Variants in TRIM33 observed in about 807,000 individuals in gnomAD.
TRIM33 encodes the protein E3 ubiquitin-protein ligase TRIM33.
A neutral mutation model predicts 125.4 loss-of-function variants in TRIM33; 20 were observed. The observed-to-expected ratio is 0.16, with a 90% CI of 0.11 to 0.23. The LOEUF is 0.23. TRIM33 is among the 10% of genes least tolerant of loss of function. The pLI, the probability that TRIM33 is intolerant of heterozygous loss-of-function variation, is 1.00. For synonymous variants in TRIM33, 564 were observed against 513.9 expected, an observed-to-expected ratio of 1.10 and a Z score of -1.32; for missense variants, 920 against 1,411.4, an observed-to-expected ratio of 0.65 and a Z score of 5.58.
At chr1:114,434,421 T>C (rs969020070) in intron 4 of TRIM33, among the ~76,000 whole-genome samples, 11 of 152,252 alleles carry the variant, frequency 7.2e-5, no homozygotes, top group African/African-American at 1.9e-4. Context: ...CAGTTCTGGA[T>C]GCCATGTACT....
chr1:114,414,656 T>C (rs1437211393), intron 11 of TRIM33, among the ~76,000 whole-genome samples: 1 of 152,186 alleles, frequency 6.6e-6, no homozygotes, highest in East Asian at 1.9e-4. Context: ...AGTAATGCTA[T>C]ACAATTTATT....
chr1:114,398,465 C>A (rs1006119975), intron 18 of TRIM33, among the ~76,000 whole-genome samples: 1 of 152,074 alleles, frequency 6.6e-6, no homozygotes, highest in African/African-American at 2.4e-5. Flanking sequence ...AATAATTTAA[C>A]TGCACTGAAA....
chr1:114,405,818 T>C (rs1486370560), intron 14 of TRIM33, 59 bp from the exon 15 acceptor site: 20 of 1,415,016 alleles, frequency 1.4e-5, no homozygotes, highest in Non-Finnish European at 1.5e-5. Flanking sequence ...GTATGCCATA[T>C]GTGTATTTAA....
At chr1:114,422,398 G>C (rs1235675172) in intron 10 of TRIM33, among the ~76,000 whole-genome samples, 1 of 152,066 alleles carries the variant, frequency 6.6e-6, no homozygotes, top group African/African-American at 2.4e-5. Flanking sequence ...AGAAATACTT[G>C]AAGGCCTTCC....
At chr1:114,417,329 T>C (rs1277785401) in intron 11 of TRIM33, among the ~76,000 whole-genome samples, 1 of 152,186 alleles carries the variant, frequency 6.6e-6, no homozygotes, top group African/African-American at 2.4e-5. Flanking sequence ...ATTTTTAGAG[T>C]GGATCTCATG....
Position 114,410,214 on chromosome 1 carries a change from C to G in TRIM33, c.2164G>C (p.Gly722Arg). The G allele has an allele frequency of 1.2e-6, 2 of 1,613,944 alleles. No individual in the cohort carries two copies. The highest frequency in any genetic ancestry group is 1.7e-6 in the Non-Finnish European group (2 of 1,179,956). Residue 722 changes from glycine to arginine, a missense_variant, in exon 12 of 20, where the codon GGT becomes CGT. Around this residue, in one of 8 missense-constraint regions of TRIM33, gnomAD observed 407 missense variants for 589.7 expected, o/e 0.69. Transcript: ENST00000358465. ...QPTSTMNPSP[G>R]PSALSPGSSG... ...GATCCCGGAGAAAGGGCAGAGGGAC[C>G]TGGAGAAGGATTCATGGTGCTTGTA...
chr1:114,468,449 G>T, intron 1 of TRIM33: 2 of 350,424 alleles, frequency 5.7e-6, no homozygotes, highest in Non-Finnish European at 1.1e-5. Context: ...AACAAGTGGC[G>T]CCAGAGCCAA....
intron 18 of TRIM33, among the ~76,000 whole-genome samples, chr1:114,398,542 C>T (rs1651677200): frequency 6.6e-6 from 1 of 152,060 alleles, no homozygotes; most frequent in Admixed American, 6.6e-5. Flanking sequence ...TACTCTGTGC[C>T]ATACTGCTAT....
At chr1:114,507,436 A>T (rs1402077676) in intron 1 of TRIM33, among the ~76,000 whole-genome samples, 1 of 152,246 alleles carries the variant, frequency 6.6e-6, no homozygotes, top group Admixed American at 6.5e-5. Flanking sequence ...GTTAGGCAGG[A>T]GGGCATTATA....
chr1:114,505,257 A>T (rs1652927063), intron 1 of TRIM33, among the ~76,000 whole-genome samples: 1 of 152,228 alleles, frequency 6.6e-6, no homozygotes, highest in South Asian at 2.1e-4. Flanking sequence ...TTGTTGGTGG[A>T]GTACCACATG....
intron 11 of TRIM33, among the ~76,000 whole-genome samples, chr1:114,414,604 T>C (rs1402627803): frequency 6.6e-6 from 1 of 152,208 alleles, no homozygotes. Context: ...GTTCTCCTGG[T>C]ATATACTCAC....
At chr1:114,480,476 T>TA (rs61241613) in intron 1 of TRIM33, among the ~76,000 whole-genome samples, 1,122 of 77,784 alleles carry the variant, frequency 0.014, 36 homozygotes, top group African/African-American at 0.054. Context: ...ATGATCAATT[T>TA]AAAAAAAAAA....
chr1:114,463,075 T>C (rs1650089198), intron 4 of TRIM33, 29 bp downstream of exon 4: 1 of 1,546,436 alleles, frequency 6.5e-7, no homozygotes, highest in African/African-American at 1.4e-5. Flanking sequence ...TTTATAGTAT[T>C]TCCTGGTAAG....
chr1:114,505,653 C>T (rs763490133), intron 1 of TRIM33, among the ~76,000 whole-genome samples: 14 of 152,178 alleles, frequency 9.2e-5, no homozygotes, highest in Admixed American at 1.3e-4. Context: ...CTGCAACCTC[C>T]GCCTCCAAGA....
chr1:114,492,207 T>C (rs1267264128), intron 1 of TRIM33, among the ~76,000 whole-genome samples: 1 of 152,204 alleles, frequency 6.6e-6, no homozygotes, highest in Non-Finnish European at 1.5e-5. Context: ...AATTTTAGCA[T>C]GTAGGTGAAT....
At chr1:114,461,730 T>A (rs1650013024) in intron 4 of TRIM33, among the ~76,000 whole-genome samples, 1 of 152,060 alleles carries the variant, frequency 6.6e-6, no homozygotes, top group Non-Finnish European at 1.5e-5. Flanking sequence ...CCTCTCACCA[T>A]CAACTTAAAA....
intron 4 of TRIM33, among the ~76,000 whole-genome samples, chr1:114,434,732 T>C (rs1012299253): frequency 1.3e-5 from 2 of 152,236 alleles, no homozygotes; most frequent in African/African-American, 2.4e-5. Flanking sequence ...TACTAACAAA[T>C]AGTCACAAAT....
chr1:114,468,651 C>T, intron 1 of TRIM33: 1 of 427,220 alleles, frequency 2.3e-6, no homozygotes, highest in South Asian at 1.8e-5. Context: ...ACCAGCTGAA[C>T]CAGAGTATGA....
Position 114,397,747 on chromosome 1 carries a change from T to C in TRIM33, c.3285A>G (p.Glu1095=), listed in dbSNP as rs1235773598. The change falls in exon 20 of 20, where the codon GAA becomes GAG. Residue 1095 remains glutamate, a synonymous_variant. Transcript: ENST00000358465. ...CCTCAGTTACCTCACCATCATCCTCTTCCTGCTCAAACTCTGGCAAAGGTG... is the reference window on the plus strand; with the variant it reads ...CCTCAGTTACCTCACCATCATCCTCCTCCTGCTCAAACTCTGGCAAAGGTG... ...TFAPLPEFEQ[E]EDDGEVTEDS... 2 of 1,613,920 alleles carry C rather than the reference T, an allele frequency of 1.2e-6. No homozygotes were observed. The highest frequency in any genetic ancestry group is 2.2e-5 in the South Asian group (2 of 91,070).
Sources: allele counts gnomAD v4.1 joint callset (sites outside exome capture counted in the v4.1 genomes callset), GRCh38; gene constraint gnomAD v4.1.1; regional missense constraint gnomAD v4.1.1; transcripts MANE v1.5; gene names NCBI Gene and HGNC (gene_info 2026-07-23, HGNC 2026-07-21).